GRM8: variants seen among roughly 807,000 people sequenced by gnomAD.
GRM8 encodes the protein metabotropic glutamate receptor 8.
A neutral mutation model predicts 87.2 loss-of-function variants in GRM8; 47 were observed. The observed-to-expected ratio is 0.54, with a 90% confidence interval of 0.43 to 0.69. The LOEUF is 0.69. Among genes scored for constraint, GRM8 ranks in the 30% least tolerant of loss-of-function variants. The probability of loss-of-function intolerance (pLI) is 0.00; values close to 1 mark genes in which losing one functional copy is unlikely to be tolerated. For missense variants in GRM8, 1,019 were observed against 1,139.2 expected (o/e 0.89, Z 1.52); for synonymous variants, 396 against 404.5 (o/e 0.98, Z 0.25).
At chr7:126,483,448 TCTCCCTCC>T (rs533636162) in intron 9 of GRM8, among the ~76,000 whole-genome samples, 2 of 139,484 alleles carry the variant, frequency 1.4e-5, no homozygotes, top group Admixed American at 7.4e-5. Flanking sequence ...TTCACTATTC[TCTCCCTCC>T]CTCCCTCCCT....
intron 8 of GRM8, among the ~76,000 whole-genome samples, chr7:126,553,502 A>G (rs941063091): frequency 4.6e-5 from 7 of 152,192 alleles, no homozygotes; most frequent in Non-Finnish European, 1.0e-4. Context: ...TTTGACCAAA[A>G]GTAGTTCTGA....
At chr7:126,994,434 C>T (rs1253926389) in intron 3 of GRM8, among the ~76,000 whole-genome samples, 4 of 152,116 alleles carry the variant, frequency 2.6e-5, no homozygotes, top group Non-Finnish European at 5.9e-5. Context: ...CAAGTGGGCT[C>T]TTAGGGATCC....
At chr7:126,754,729 T>C (rs1476540941) in intron 7 of GRM8, among the ~76,000 whole-genome samples, 1 of 151,924 alleles carries the variant, frequency 6.6e-6, no homozygotes, top group Admixed American at 6.6e-5. Flanking sequence ...ACTTAAAAGC[T>C]GTTGTTATTA....
intron 6 of GRM8, among the ~76,000 whole-genome samples, chr7:126,772,650 A>G (rs985248250): frequency 6.6e-6 from 1 of 152,180 alleles, no homozygotes; most frequent in East Asian, 1.9e-4. Flanking sequence ...GTATTGAAGT[A>G]TGAAAATAAA....
intron 6 of GRM8, among the ~76,000 whole-genome samples, chr7:126,789,111 T>A (rs1013404053): frequency 6.6e-6 from 1 of 152,194 alleles, no homozygotes; most frequent in Non-Finnish European, 1.5e-5. Flanking sequence ...TACAGTATGA[T>A]ACATAACATG....
At chr7:126,463,445 A>G (rs1804123246) in intron 9 of GRM8, among the ~76,000 whole-genome samples, 1 of 151,628 alleles carries the variant, frequency 6.6e-6, no homozygotes, top group Admixed American at 6.6e-5. Flanking sequence ...AAATTACAGT[A>G]TCCTCAGATG....
chr7:126,744,481 T>C (rs1449303880), intron 7 of GRM8, among the ~76,000 whole-genome samples: 1 of 152,030 alleles, frequency 6.6e-6, no homozygotes, highest in African/African-American at 2.4e-5. Context: ...TGATATCAAC[T>C]AGCGTAATGT....
chr7:126,770,660 G>A (rs1438225006), intron 6 of GRM8, among the ~76,000 whole-genome samples: 1 of 152,160 alleles, frequency 6.6e-6, no homozygotes, highest in East Asian at 1.9e-4. Context: ...ACCTCAAAAT[G>A]AATGTCATTC....
chr7:126,646,450 T>G (rs568058453), intron 7 of GRM8, among the ~76,000 whole-genome samples: 1 of 152,228 alleles, frequency 6.6e-6, no homozygotes, highest in Non-Finnish European at 1.5e-5. Context: ...CACTAACCCA[T>G]CTTCCTTCAT....
At chr7:127,007,275 C>T (rs1205596731) in intron 3 of GRM8, among the ~76,000 whole-genome samples, 1 of 151,654 alleles carries the variant, frequency 6.6e-6, no homozygotes, top group East Asian at 1.9e-4. Flanking sequence ...GTTTAATTAC[C>T]CCTCACCTTT....
intron 2 of GRM8, among the ~76,000 whole-genome samples, chr7:127,236,117 A>T (rs904722819): frequency 6.6e-6 from 1 of 152,228 alleles, no homozygotes; most frequent in Non-Finnish European, 1.5e-5. Context: ...TTGGCTAATT[A>T]ACAAATCCAT....
At chr7:126,543,347 A>C (rs1816756983) in intron 8 of GRM8, among the ~76,000 whole-genome samples, 1 of 152,218 alleles carries the variant, frequency 6.6e-6, no homozygotes, top group African/African-American at 2.4e-5. Flanking sequence ...GGCATGTTTA[A>C]AAGAATCCCT....
intron 2 of GRM8, 53 bp downstream of exon 2, chr7:127,242,642 A>T (rs1227558615): frequency 1.3e-6 from 2 of 1,519,478 alleles, no homozygotes; most frequent in African/African-American, 2.7e-5. Flanking sequence ...AGTAGGAGTC[A>T]TAGCATTTCA....
intron 8 of GRM8, among the ~76,000 whole-genome samples, chr7:126,600,323 A>T (rs1797610005): frequency 6.6e-6 from 1 of 152,080 alleles, no homozygotes; most frequent in Non-Finnish European, 1.5e-5. Context: ...CACAGACAGA[A>T]AATATTGTAT....
At chr7:126,595,061 T>TA (rs892766948) in intron 8 of GRM8, among the ~76,000 whole-genome samples, 18 of 151,164 alleles carry the variant, frequency 1.2e-4, no homozygotes, top group African/African-American at 2.7e-4. Flanking sequence ...TGGATGAAAT[T>TA]AAAAAAAAAT....
rs566272803 is a variant in GRM8, at chr7:127,101,592, C to A, written c.727+4904G>T. Among the ~76,000 whole-genome samples the A allele has an allele frequency of 4.6e-5, 7 of 152,296 alleles. No homozygotes were observed. In the South Asian group the frequency reaches 1.5e-3, roughly 32 times the overall value. ...TGTGGTGTGCTTGCTCCTGCTTTAC[C>A]TTCTGTGATGATTGTAAGCCTCAAA... On this transcript the variant is annotated intron_variant, in intron 3 of 10. Transcript: ENST00000339582.
At chr7:127,111,360 T>C (rs1341078220) in intron 2 of GRM8, among the ~76,000 whole-genome samples, 1 of 152,066 alleles carries the variant, frequency 6.6e-6, no homozygotes, top group Non-Finnish European at 1.5e-5. Flanking sequence ...TTAGCAGAGA[T>C]TATTGTCTTC....
chr7:127,235,507 G>C (rs965778912), intron 2 of GRM8, among the ~76,000 whole-genome samples: 2 of 152,214 alleles, frequency 1.3e-5, no homozygotes, highest in African/African-American at 2.4e-5. Context: ...GTATTCGGAT[G>C]AGGCTCTAGC....
intron 3 of GRM8, among the ~76,000 whole-genome samples, chr7:126,938,060 T>C (rs1392881169): frequency 6.6e-6 from 1 of 152,218 alleles, no homozygotes; most frequent in African/African-American, 2.4e-5. Flanking sequence ...CTACATTTCA[T>C]AACCCCCTCT....
Sources: allele counts gnomAD v4.1 joint callset (sites outside exome capture counted in the v4.1 genomes callset), GRCh38; gene constraint gnomAD v4.1.1; transcripts MANE v1.5; gene names NCBI Gene and HGNC (gene_info 2026-07-23, HGNC 2026-07-21).